Variants in SYT13 observed in about 807,000 individuals in gnomAD.
SYT13 encodes synaptotagmin 13, also known as synaptotagmin-13.
A neutral mutation model predicts 38.6 loss-of-function variants in SYT13; 21 were observed. The ratio of observed to expected loss-of-function variants is 0.54; its 90% CI spans 0.39 to 0.78. SYT13 has a LOEUF of 0.78. SYT13 is among the 30% of genes least tolerant of loss of function. SYT13 has a pLI of 0.00. For missense variants in SYT13, 495 were observed against 548.7 expected, an observed-to-expected ratio of 0.90 and a Z score of 0.98; for synonymous variants, 241 against 237.6, an observed-to-expected ratio of 1.01 and a Z score of -0.13.
chr11:45,254,854 C>T (rs1301704405), intron 2 of SYT13, among the ~76,000 whole-genome samples: 1 of 152,124 alleles, frequency 6.6e-6, no homozygotes, highest in African/African-American at 2.4e-5. Flanking sequence ...TGGCTCATGC[C>T]TGTAACCCCA....
chr11:45,244,393 A>C (rs1431886753), intron 5 of SYT13, 37 bp from the exon 6 acceptor site: 2 of 1,583,276 alleles, frequency 1.3e-6, no homozygotes, highest in Non-Finnish European at 1.7e-6. Flanking sequence ...GACAGAGAGA[A>C]GGGACAAGAG....
rs1378102218 is a variant in SYT13 at position 45,286,213 on chromosome 11, C to A, written c.-6G>T. On this transcript the variant is annotated 5_prime_UTR_variant, in exon 1 of 6. Transcript: ENST00000020926. ...ACAGGCACCGACAGCACCATGGTGC[C>A]CGCTCCCGGCGAGGGGCTGGGTCCC... 1.9e-6 allele frequency: 3 copies of A among 1,541,486 alleles called. No homozygotes were observed. In the Admixed American group the frequency reaches 5.9e-5, roughly 30 times the overall value.
At position 45,243,412 on chromosome 11, in the gene SYT13, G is replaced by A. The variant is rs1854576062; in HGVS notation, c.*640C>T. The A allele has an allele frequency of 6.6e-6, 1 of 152,182 alleles. No homozygotes were observed. The highest frequency in any genetic ancestry group is 1.5e-5 in the Non-Finnish European group (1 of 68,048). 9.4% of individuals were successfully genotyped at this position (152,182 alleles called of 1,614,324 possible). On this transcript the variant is annotated 3_prime_UTR_variant, in exon 6 of 6. Transcript: ENST00000020926. The stretch of plus-strand genomic sequence containing the variant: ...AAGGACTGTGGCCAAAAACCTGTGT[G>A]GAATATTGTAGAAGGAATTTCTCCA...
Position 45,254,351 on chromosome 11 carries a change from T to G in SYT13, c.463A>C (p.Ser155Arg). Reference protein sequence around the residue: ...METWNPEKAASWNQAPKLHYC... With the variant: ...METWNPEKAARWNQAPKLHYC... ...TGGAGTTTGGGGGCCTGGTTCCAACTGGCAGCCTTCTCTGGGTTCCAGGTC... is the reference window on the plus strand; with the variant it reads ...TGGAGTTTGGGGGCCTGGTTCCAACGGGCAGCCTTCTCTGGGTTCCAGGTC... Residue 155 changes from serine to arginine, a missense_variant, in exon 3 of 6, where the codon AGT becomes CGT. Coordinates refer to ENST00000020926, the MANE Select transcript of SYT13 (RefSeq NM_020826.3). 2 of 1,613,858 alleles carry G rather than the reference T, an allele frequency of 1.2e-6. No individual in the cohort carries two copies. Among genetic ancestry groups the G allele is most frequent in the East Asian group, 2.2e-5 (1 of 44,842 alleles).
At chr11:45,273,205 T>C (rs538426462) in intron 1 of SYT13, among the ~76,000 whole-genome samples, 23 of 152,260 alleles carry the variant, frequency 1.5e-4, no homozygotes, top group Admixed American at 1.1e-3. Context: ...TCCCTAGGCC[T>C]GAAGGGGCAA....
chr11:45,261,385 A>G (rs1854812777), intron 1 of SYT13, among the ~76,000 whole-genome samples: 1 of 151,976 alleles, frequency 6.6e-6, no homozygotes, highest in Non-Finnish European at 1.5e-5. Context: ...AGGTCAGGAG[A>G]TCGAGACCAT....
intron 1 of SYT13, among the ~76,000 whole-genome samples, chr11:45,268,919 C>T (rs555058477): frequency 3.2e-4 from 48 of 152,296 alleles, no homozygotes; most frequent in Non-Finnish European, 5.4e-4. Context: ...GATTGCTACC[C>T]CGACGCACAG....
chr11:45,257,771 A>T (rs1565382881), intron 1 of SYT13, among the ~76,000 whole-genome samples: 1 of 152,158 alleles, frequency 6.6e-6, no homozygotes, highest in Non-Finnish European at 1.5e-5. Context: ...CATTGGACAA[A>T]CAGAGGGGAT....
intron 1 of SYT13, chr11:45,269,431 G>T (rs1244386551): frequency 2.4e-6 from 3 of 1,241,410 alleles, no homozygotes; most frequent in Non-Finnish European, 2.1e-6. Flanking sequence ...CTTGTAGGTG[G>T]CCCCTGCATT....
In SYT13 at chr11:45,276,638, G is replaced by T. The variant is rs557732870; in HGVS notation, c.183+9387C>A. 2.8e-4 allele frequency among the ~76,000 whole-genome samples: 42 copies of T among 149,380 alleles called. 1 individual carries two copies. Among genetic ancestry groups the T allele is most frequent in the Middle Eastern group, 3.5e-3 (1 of 288 alleles). On this transcript the variant is annotated intron_variant, in intron 1 of 5. Transcript: ENST00000020926. ...AATATTTTAAAAGTGAGAATTTGGG[G>T]TTTTTTTTTAGATATTAAAAGCTCA...
At chr11:45,268,713 C>T (rs1211410088) in intron 1 of SYT13, among the ~76,000 whole-genome samples, 2 of 152,136 alleles carry the variant, frequency 1.3e-5, no homozygotes, top group Admixed American at 6.5e-5. Flanking sequence ...CAGCTTGGCC[C>T]CATCCTTCCC....
intron 1 of SYT13, among the ~76,000 whole-genome samples, chr11:45,283,456 C>T (rs1469471179): frequency 6.6e-6 from 1 of 152,194 alleles, no homozygotes; most frequent in East Asian, 1.9e-4. Flanking sequence ...ATGTACATCA[C>T]CCTCCTGTCA....
At chr11:45,282,360 A>G (rs1180003512) in intron 1 of SYT13, among the ~76,000 whole-genome samples, 1 of 152,184 alleles carries the variant, frequency 6.6e-6, no homozygotes. Context: ...TATATTTCAG[A>G]AAAGCAAAGA....
In SYT13 at chr11:45,243,865, G is replaced by A. The variant is rs547928510; in HGVS notation, c.*187C>T. The A allele has an allele frequency of 1.1e-5, 7 of 624,998 alleles. No homozygotes were observed. The highest frequency in any genetic ancestry group is 6.1e-5 in the Admixed American group (2 of 32,974). 38.7% of individuals were successfully genotyped at this position (624,998 alleles called of 1,614,324 possible). On this transcript the variant is annotated 3_prime_UTR_variant, in exon 6 of 6. Coordinates refer to ENST00000020926, the MANE Select transcript of SYT13 (RefSeq NM_020826.3). ...CAAAATGCATTCCTCAGTGTGACCC[G>A]CATATTCCATTTCCTGCTCTGTCTT...
chr11:45,265,839 C>T (rs992694180), intron 1 of SYT13, among the ~76,000 whole-genome samples: 1 of 152,090 alleles, frequency 6.6e-6, no homozygotes, highest in Non-Finnish European at 1.5e-5. Flanking sequence ...GTCATTAGGG[C>T]TGAAGTTGGG....
chr11:45,253,811 G>T (rs114739080), intron 3 of SYT13: 2 of 152,542 alleles, frequency 1.3e-5, no homozygotes, highest in African/African-American at 4.8e-5. Flanking sequence ...GGCACCTGTC[G>T]GCCCACATTT....
rs563926556 is a variant in SYT13, at chr11:45,277,233, G to A, written c.183+8792C>T. Among the ~76,000 whole-genome samples the A allele has an allele frequency of 1.7e-4, 25 of 149,034 alleles. No homozygotes were observed. In the East Asian group the frequency reaches 2.1e-3, roughly 13 times the overall value. ...GACAAAAAACAGATTGGAGGAGGGC[G>A]GAATAGTGACTGTTTAATGGATGAG... is the stretch of plus-strand genomic sequence containing the variant. On this transcript the variant is annotated intron_variant, in intron 1 of 5. Transcript: ENST00000020926.
intron 4 of SYT13, among the ~76,000 whole-genome samples, chr11:45,248,853 G>A (rs753782167): frequency 3.9e-5 from 6 of 152,182 alleles, no homozygotes; most frequent in Non-Finnish European, 5.9e-5. Context: ...CTAGCCGGCT[G>A]CACCATAGCC....
intron 1 of SYT13, among the ~76,000 whole-genome samples, chr11:45,272,343 C>CAAGA (rs201858591): frequency 0.028 from 4,322 of 152,006 alleles, 190 homozygotes; most frequent in African/African-American, 0.094. Flanking sequence ...TAAAGTATAA[C>CAAGA]AAGAAAGAAA....
Sources: allele counts gnomAD v4.1 joint callset (sites outside exome capture counted in the v4.1 genomes callset), GRCh38; gene constraint gnomAD v4.1.1; transcripts MANE v1.5; gene names NCBI Gene and HGNC (gene_info 2026-07-23, HGNC 2026-07-21).